The following TEX9 variants were observed in gnomAD, a reference collection of about 807,000 sequenced individuals.
TEX9 encodes testis expressed 9, also known as testis-expressed protein 9.
A neutral mutation model predicts 59.6 loss-of-function variants in TEX9; 74 were observed. The observed-to-expected ratio is 1.24, with a 90% CI of 1.03 to 1.51. The LOEUF (loss-of-function observed/expected upper bound fraction) is 1.51. Ranked by LOEUF, TEX9 falls within the 40% of genes most tolerant of loss-of-function variation. The probability of loss-of-function intolerance (pLI) is 0.00; values close to 1 mark genes in which losing one functional copy is unlikely to be tolerated. For synonymous variants in TEX9, 186 were observed against 152.2 expected (o/e 1.22, Z -1.64); for missense variants, 522 against 447.8 (o/e 1.17, Z -1.49).
At chr15:56,389,845 A>G (rs1300917517) in intron 6 of TEX9, among the ~76,000 whole-genome samples, 1 of 151,898 alleles carries the variant, frequency 6.6e-6, no homozygotes, top group Non-Finnish European at 1.5e-5. Flanking sequence ...TATAATTTAC[A>G]TTTTGTTGTT....
chr15:56,373,613 G>A, intron 3 of TEX9, 109 bp downstream of exon 3: 1 of 827,354 alleles, frequency 1.2e-6, no homozygotes, highest in Non-Finnish European at 1.8e-6. Context: ...TGTGTGTTCA[G>A]TTCAATGAAT....
intron 1 of TEX9, chr15:56,249,009 TAAA>T (rs1245933757): frequency 2.0e-5 from 3 of 152,174 alleles, no homozygotes; most frequent in Non-Finnish European, 4.4e-5. Context: ...TTAGAAAGAT[TAAA>T]AAATAAGTAG....
At chr15:56,421,462 C>T (rs1428883836) in intron 10 of TEX9, 9 of 151,858 alleles carry the variant, frequency 5.9e-5, no homozygotes, top group African/African-American at 2.2e-4. Context: ...GGATTTCAGA[C>T]TTTTGGATTA....
chr15:56,450,234 T>C (rs2050938810), downstream of TEX9, among the ~76,000 whole-genome samples: 1 of 152,156 alleles, frequency 6.6e-6, no homozygotes, highest in East Asian at 1.9e-4. Context: ...TTTTTTTCAG[T>C]CCTATAACAT....
intron 1 of TEX9, among the ~76,000 whole-genome samples, chr15:56,303,280 A>G (rs1267319182): frequency 6.6e-6 from 1 of 152,228 alleles, no homozygotes; most frequent in Non-Finnish European, 1.5e-5. Context: ...CATATGGATC[A>G]TTCTCAAGGA....
intron 9 of TEX9, chr15:56,395,391 T>C (rs1455498126): frequency 1.3e-5 from 2 of 152,270 alleles, no homozygotes; most frequent in Non-Finnish European, 2.9e-5. Flanking sequence ...CTTTAGGTTA[T>C]TTGGGTTGTT....
intron 1 of TEX9, among the ~76,000 whole-genome samples, chr15:56,306,863 A>T (rs1321438519): frequency 1.3e-5 from 2 of 152,256 alleles, no homozygotes; most frequent in Non-Finnish European, 2.9e-5. Context: ...CATGTATCCC[A>T]TAAATATATA....
At chr15:56,443,605 T>G in intron 12 of TEX9, 2 of 1,594,344 alleles carry the variant, frequency 1.3e-6, no homozygotes, top group Non-Finnish European at 1.7e-6. Flanking sequence ...TTTCAGAATT[T>G]TACTAGTGTT....
chr15:56,373,914 C>G, intron 3 of TEX9, among the ~76,000 whole-genome samples: 1 of 152,008 alleles, frequency 6.6e-6, no homozygotes, highest in Non-Finnish European at 1.5e-5. Context: ...GGAAGGAAAC[C>G]TAGGCAATAT....
chr15:56,367,583 A>G (rs2047003699), intron 2 of TEX9, among the ~76,000 whole-genome samples: 1 of 152,258 alleles, frequency 6.6e-6, no homozygotes, highest in Non-Finnish European at 1.5e-5. Flanking sequence ...ATAAGATAAC[A>G]TAATAACTGG....
At chr15:56,296,639 CT>C (rs2045225278) in intron 1 of TEX9, among the ~76,000 whole-genome samples, 1 of 152,102 alleles carries the variant, frequency 6.6e-6, no homozygotes, top group South Asian at 2.1e-4. Context: ...ACTCAATTGT[CT>C]GTATTGGGAA....
At chr15:56,267,875 G>A (rs1425826430) in intron 1 of TEX9, among the ~76,000 whole-genome samples, 1 of 152,164 alleles carries the variant, frequency 6.6e-6, no homozygotes, top group African/African-American at 2.4e-5. Context: ...AAAGTCATTG[G>A]TAGCTTGATG....
intron 1 of TEX9, among the ~76,000 whole-genome samples, chr15:56,257,776 A>G (rs2044177426): frequency 6.6e-6 from 1 of 152,152 alleles, no homozygotes; most frequent in Non-Finnish European, 1.5e-5. Flanking sequence ...TTTGCTGTGC[A>G]GAGGCTCTTT....
intron 12 of TEX9, among the ~76,000 whole-genome samples, chr15:56,430,595 T>C (rs1227925256): frequency 6.6e-6 from 1 of 152,226 alleles, no homozygotes; most frequent in Non-Finnish European, 1.5e-5. Context: ...GTTTAACTAG[T>C]TATAACTTCC....
At chr15:56,304,420 T>G (rs2045430242) in intron 1 of TEX9, among the ~76,000 whole-genome samples, 1 of 152,204 alleles carries the variant, frequency 6.6e-6, no homozygotes, top group African/African-American at 2.4e-5. Context: ...GTATCTTCAT[T>G]CTGTATCCAG....
At chr15:56,299,254 T>C (rs1463961846) in intron 1 of TEX9, among the ~76,000 whole-genome samples, 1 of 152,224 alleles carries the variant, frequency 6.6e-6, no homozygotes, top group Middle Eastern at 3.2e-3. Flanking sequence ...TGTAGAACTT[T>C]GCATTGGAAC....
chr15:56,284,849 TA>T (rs1313895462), intron 1 of TEX9, among the ~76,000 whole-genome samples: 7 of 152,198 alleles, frequency 4.6e-5, no homozygotes, highest in Non-Finnish European at 8.8e-5. Context: ...CTCTCTGTTT[TA>T]ACTATTTGTT....
At chr15:56,380,999 G>A (rs1311781294) in intron 3 of TEX9, among the ~76,000 whole-genome samples, 11 of 152,068 alleles carry the variant, frequency 7.2e-5, no homozygotes, top group South Asian at 4.1e-4. Flanking sequence ...TTATCCCTTC[G>A]AATAAACTTT....
At chr15:56,246,768 G>C (rs868043277) in intron 1 of TEX9, among the ~76,000 whole-genome samples, 1 of 152,306 alleles carries the variant, frequency 6.6e-6, no homozygotes, top group South Asian at 2.1e-4. Flanking sequence ...TACTGGGAAA[G>C]TGTACACCAG....
Sources: allele counts gnomAD v4.1 joint callset (sites outside exome capture counted in the v4.1 genomes callset), GRCh38; gene constraint gnomAD v4.1.1; transcripts MANE v1.5; gene names NCBI Gene and HGNC (gene_info 2026-07-23, HGNC 2026-07-21).